Variants in FAM117B observed in about 807,000 individuals in gnomAD.
The protein encoded by FAM117B is protein FAM117B.
In FAM117B, 22 loss-of-function variants were observed where a neutral mutation model predicts 52.8. The observed-to-expected ratio is 0.42, with a 90% CI of 0.30 to 0.59. FAM117B has a LOEUF of 0.59. FAM117B is among the 20% of genes least tolerant of loss of function. FAM117B has a pLI of 0.22. For missense variants in FAM117B, 678 were observed against 802.6 expected, an observed-to-expected ratio of 0.84 and a Z score of 1.88; for synonymous variants, 309 against 324.1, an observed-to-expected ratio of 0.95 and a Z score of 0.50.
intron 2 of FAM117B, among the ~76,000 whole-genome samples, chr2:202,706,093 C>T (rs974631917): frequency 2.6e-5 from 4 of 152,092 alleles, no homozygotes; most frequent in East Asian, 3.9e-4. Context: ...GCATAATCAC[C>T]GTGCACTATA....
At chr2:202,745,998 G>A (rs1008190597) in intron 4 of FAM117B, among the ~76,000 whole-genome samples, 6 of 152,198 alleles carry the variant, frequency 3.9e-5, no homozygotes, top group Non-Finnish European at 2.9e-5. Context: ...TGCAATAATA[G>A]TTGGAGACTT....
At chr2:202,724,815 A>G (rs1016474285) in intron 2 of FAM117B, 102 bp from the exon 3 acceptor site, 1 of 769,906 alleles carries the variant, frequency 1.3e-6, no homozygotes, top group Non-Finnish European at 1.9e-6. Context: ...TTTAATGTCT[A>G]ATTTTTTTGT....
At chr2:202,758,565 T>A (rs1228953280) in intron 6 of FAM117B, among the ~76,000 whole-genome samples, 1 of 152,238 alleles carries the variant, frequency 6.6e-6, no homozygotes, top group African/African-American at 2.4e-5. Context: ...TGGTACAGAC[T>A]GAAAATTTAG....
intron 4 of FAM117B, among the ~76,000 whole-genome samples, chr2:202,730,665 A>G (rs886864042): frequency 1.3e-5 from 2 of 152,208 alleles, no homozygotes; most frequent in Non-Finnish European, 2.9e-5. Flanking sequence ...AGTTCTCTAA[A>G]TAAACAAACA....
chr2:202,694,665 C>T (rs1690683807), intron 1 of FAM117B, among the ~76,000 whole-genome samples: 1 of 152,064 alleles, frequency 6.6e-6, no homozygotes, highest in South Asian at 2.1e-4. Context: ...ATGAAACCTA[C>T]CCCTGTTACA....
chr2:202,679,902 GATA>G (rs1690436687), intron 1 of FAM117B, among the ~76,000 whole-genome samples: 1 of 152,062 alleles, frequency 6.6e-6, no homozygotes, highest in Non-Finnish European at 1.5e-5. Context: ...AGATAATAGA[GATA>G]ATATTATATG....
At chr2:202,662,119 G>GGTGTGTGTGTGT (rs35842700) in intron 1 of FAM117B, among the ~76,000 whole-genome samples, 1 of 149,580 alleles carries the variant, frequency 6.7e-6, no homozygotes, top group Non-Finnish European at 1.5e-5. Context: ...ATGTGAGGTA[G>GGTGTGTGTGTGT]GTGTGTGTGT....
intron 1 of FAM117B, among the ~76,000 whole-genome samples, chr2:202,675,953 C>T (rs1302489376): frequency 6.9e-6 from 1 of 145,552 alleles, no homozygotes; most frequent in Non-Finnish European, 1.5e-5. Context: ...CCATTGCATT[C>T]CAGCCTGGGG....
chr2:202,674,017 C>T (rs766399551), intron 1 of FAM117B, among the ~76,000 whole-genome samples: 2 of 151,952 alleles, frequency 1.3e-5, no homozygotes, highest in Admixed American at 6.6e-5. Context: ...TGAAATGTTC[C>T]TCCCTGCACC....
chr2:202,693,119 AT>A (rs1690660613), intron 1 of FAM117B, among the ~76,000 whole-genome samples: 2 of 152,174 alleles, frequency 1.3e-5, no homozygotes, highest in South Asian at 4.1e-4. Context: ...ATATTTTTGT[AT>A]TTTTAAGCAT....
chr2:202,732,028 C>T lies in FAM117B; in HGVS notation c.960+5665C>T, dbSNP rs535893420. On this transcript the variant is annotated intron_variant, in intron 4 of 7. Transcript: ENST00000392238. ...GGGATTACAGGCATGAGCCACTGCA[C>T]CCAGCCTATTTATTTTTCTTTTTTT... Among the ~76,000 whole-genome samples, 37 of 152,094 alleles carry T rather than the reference C, an allele frequency of 2.4e-4. No homozygotes were observed. In the Middle Eastern group the frequency reaches 0.01, roughly 42 times the overall value.
At chr2:202,707,103 A>G (rs1690882727) in intron 2 of FAM117B, among the ~76,000 whole-genome samples, 1 of 152,066 alleles carries the variant, frequency 6.6e-6, no homozygotes, top group Non-Finnish European at 1.5e-5. Flanking sequence ...GTGCAGTGCC[A>G]TGATTGTGGC....
In FAM117B at chr2:202,635,679, G is replaced by A. The variant is rs1464511071; in HGVS notation, c.492G>A (p.Glu164=). 7 of 1,403,214 alleles carry A rather than the reference G, an allele frequency of 5.0e-6. No individual in the cohort carries two copies. The highest frequency in any genetic ancestry group is 4.6e-6 in the Non-Finnish European group (5 of 1,079,422). 86.9% of individuals were successfully genotyped at this position (1,403,214 alleles called of 1,614,324 possible). A position where few individuals can be genotyped will look rare whatever the true frequency, so the allele number is the denominator to read the frequency against. Reference sequence around the variant, plus strand: ...CGCCCACCCACCTGTGGACCGGCGAGGTGAGCGCGGCCCCACCCCCAGCCC... The same window carrying A: ...CGCCCACCCACCTGTGGACCGGCGAAGTGAGCGCGGCCCCACCCCCAGCCC... ...SSSPTHLWTG[E]VSAAPPPARV... The change falls in exon 1 of 8, where the codon GAG becomes GAA. Residue 164 remains glutamate (E), a synonymous_variant. Coordinates refer to ENST00000392238, the MANE Select transcript of FAM117B (RefSeq NM_173511.4).
intron 2 of FAM117B, among the ~76,000 whole-genome samples, chr2:202,719,195 TG>T (rs1256006791): frequency 1.3e-5 from 2 of 152,238 alleles, no homozygotes; most frequent in African/African-American, 4.8e-5. Context: ...CTGATGTTTT[TG>T]CTAGGTATTT....
At chr2:202,689,309 G>A (rs1690588046) in intron 1 of FAM117B, among the ~76,000 whole-genome samples, 1 of 152,038 alleles carries the variant, frequency 6.6e-6, no homozygotes, top group Non-Finnish European at 1.5e-5. Flanking sequence ...AGGCGTAGTG[G>A]CGTACGCCTG....
intron 2 of FAM117B, among the ~76,000 whole-genome samples, chr2:202,715,620 T>A (rs1282081936): frequency 6.7e-6 from 1 of 149,680 alleles, no homozygotes; most frequent in Non-Finnish European, 1.5e-5. Context: ...GCAGAGGGGC[T>A]CCTCACATCC....
Position 202,758,543 on chromosome 2 carries a change from T to C in FAM117B, c.1331-690T>C, listed in dbSNP as rs79218370. On this transcript the variant is annotated intron_variant, in intron 6 of 7. Coordinates refer to ENST00000392238, the MANE Select transcript of FAM117B (RefSeq NM_173511.4). ...TGTAGTGCTGCTGCCAGCAAGGAGT[T>C]TGTAGCTTAGCTGGTACAGACTGAA... Among the ~76,000 whole-genome samples the C allele has an allele frequency of 8.4e-3, 1,283 of 152,326 alleles. 21 individuals carry two copies. Among genetic ancestry groups the C allele is most frequent in the African/African-American group, 0.029 (1,210 of 41,578 alleles).
chr2:202,669,278 A>T (rs963279156), intron 1 of FAM117B, among the ~76,000 whole-genome samples: 1 of 152,176 alleles, frequency 6.6e-6, no homozygotes, highest in Non-Finnish European at 1.5e-5. Flanking sequence ...AACAGCAGTG[A>T]TTCTAGGAAG....
chr2:202,736,667 T>TGG (rs1319219436), intron 4 of FAM117B, among the ~76,000 whole-genome samples: 2 of 151,960 alleles, frequency 1.3e-5, no homozygotes. Flanking sequence ...GAGGTTGAGG[T>TGG]GGGAGAATCA....
Sources: allele counts gnomAD v4.1 joint callset (sites outside exome capture counted in the v4.1 genomes callset), GRCh38; gene constraint gnomAD v4.1.1; transcripts MANE v1.5; gene names NCBI Gene and HGNC (gene_info 2026-07-23, HGNC 2026-07-21).